The following FSD1L variants were observed in gnomAD, a reference collection of about 807,000 sequenced individuals.
FSD1L encodes FSD1-like protein.
In FSD1L, 45 loss-of-function variants were observed where a neutral mutation model predicts 71.6. The observed-to-expected ratio is 0.63, with a 90% CI of 0.49 to 0.81. The LOEUF (loss-of-function observed/expected upper bound fraction) is 0.81, where lower values mean the gene tolerates loss of function less well. FSD1L is among the 30% of genes least tolerant of loss of function. The pLI, the probability that FSD1L is intolerant of heterozygous loss-of-function variation, is 0.00. For missense variants in FSD1L, 561 were observed against 618.1 expected (o/e 0.91, Z 0.98); for synonymous variants, 197 against 207.2 (o/e 0.95, Z 0.42).
At chr9:105,445,176 C>G (rs537315004), upstream of FSD1L, among the ~76,000 whole-genome samples, 9 of 152,190 alleles carry the variant, frequency 5.9e-5, no homozygotes, top group Middle Eastern at 3.4e-3. Context: ...AGAACTTGTA[C>G]AAACTGGGGA....
rs527244403 is a variant in FSD1L, at chr9:105,545,154, G to T, written c.1468-1204G>T. 9.0e-3 allele frequency among the ~76,000 whole-genome samples: 1,358 copies of T among 151,464 alleles called. 22 individuals are homozygous for T. Among genetic ancestry groups the T allele is most frequent in the African/African-American group, 0.032 (1,302 of 40,914 alleles). ...AAGAGGTCTTTCACATCCCGTGTAA[G>T]TTGGATTCCTAGGTATTTTATTCTC... On this transcript the variant is annotated intron_variant, in intron 13 of 13. Transcript: ENST00000481272.
At chr9:105,459,051 T>G in intron 1 of FSD1L, among the ~76,000 whole-genome samples, 1 of 152,214 alleles carries the variant, frequency 6.6e-6, no homozygotes, top group East Asian at 1.9e-4. Flanking sequence ...AGAAAACACT[T>G]TTTAAAAACT....
chr9:105,511,697 G>A (rs1415822617), intron 9 of FSD1L, among the ~76,000 whole-genome samples: 1 of 152,044 alleles, frequency 6.6e-6, no homozygotes, highest in Non-Finnish European at 1.5e-5. Flanking sequence ...ATGAACAATA[G>A]CTCCAATGCA....
intron 6 of FSD1L, among the ~76,000 whole-genome samples, chr9:105,479,852 T>C (rs975397813): frequency 1.3e-5 from 2 of 152,228 alleles, no homozygotes; most frequent in Non-Finnish European, 2.9e-5. Context: ...CTGTTCCTGG[T>C]GCCATCTCTT....
In FSD1L at chr9:105,484,373, T is replaced by C. The variant is rs757347972; in HGVS notation, c.465-8T>C. 6 of 1,483,826 alleles carry C rather than the reference T, an allele frequency of 4.0e-6. No homozygotes were observed. The African/African-American group carries it at 7.2e-5, about 18-fold the overall frequency. The allele number at this position is 1,483,826 out of a possible 1,614,324, so 91.9% of individuals were successfully genotyped here. On this transcript the variant is annotated splice_region_variant and splice_polypyrimidine_tract_variant and intron_variant, in intron 6 of 13. Coordinates refer to ENST00000481272, the MANE Select transcript of FSD1L (RefSeq NM_001145313.3). The stretch of plus-strand genomic sequence containing the variant: ...TTATTTTAAAAAGTATGTTTGTGTT[T>C]ACCGTAGAGTCACAATGGCTTCAGC...
chr9:105,482,944 A>G (rs1832308290), intron 6 of FSD1L, among the ~76,000 whole-genome samples: 1 of 152,208 alleles, frequency 6.6e-6, no homozygotes, highest in Non-Finnish European at 1.5e-5. Flanking sequence ...GCACTGATTC[A>G]GTGAGCATTT....
intron 13 of FSD1L, among the ~76,000 whole-genome samples, chr9:105,544,273 G>C (rs560094677): frequency 1.9e-3 from 283 of 152,122 alleles, no homozygotes; most frequent in African/African-American, 6.1e-3. Context: ...TTTTTGATGG[G>C]GTTGTTTTTT....
At chr9:105,534,054 C>G (rs911130300) in intron 10 of FSD1L, among the ~76,000 whole-genome samples, 4 of 152,100 alleles carry the variant, frequency 2.6e-5, no homozygotes, top group Non-Finnish European at 2.9e-5. Context: ...AGGTAAGATT[C>G]AGAGCAAAAA....
At chr9:105,460,901 T>C (rs1316257385) in intron 1 of FSD1L, among the ~76,000 whole-genome samples, 2 of 152,222 alleles carry the variant, frequency 1.3e-5, no homozygotes, top group Admixed American at 1.3e-4. Context: ...TGGTGTTACT[T>C]ATGTACCAAT....
In FSD1L at chr9:105,551,099, C is replaced by CAT. The variant is rs922943639; in HGVS notation, c.*4625_*4626dup. The CAT allele has an allele frequency of 1.1e-4, 17 of 151,968 alleles. No homozygotes were observed. Among genetic ancestry groups the CAT allele is most frequent in the African/African-American group, 3.9e-4 (16 of 41,374 alleles). The allele number at this position is 151,968 out of a possible 1,614,324, so 9.4% of individuals were successfully genotyped here. A position where few individuals can be genotyped will look rare whatever the true frequency, so the allele number is the denominator to read the frequency against. On this transcript the variant is annotated 3_prime_UTR_variant, in exon 14 of 14. Transcript: ENST00000481272. ...GGAGAACATAAGGGCTATGAGAATG[C>CAT]ATATATATATTTTTTAACATTTCCT...
intron 13 of FSD1L, among the ~76,000 whole-genome samples, chr9:105,544,211 G>T (rs1836824549): frequency 2.0e-5 from 3 of 151,972 alleles, no homozygotes; most frequent in African/African-American, 4.8e-5. Context: ...TCATGTGTCT[G>T]TTGGCTGCAT....
Position 105,550,568 on chromosome 9 carries a change from G to T in FSD1L, c.*4085G>T, listed in dbSNP as rs979175438. On this transcript the variant is annotated 3_prime_UTR_variant, in exon 14 of 14. Coordinates refer to ENST00000481272, the MANE Select transcript of FSD1L (RefSeq NM_001145313.3). ...GTATGCATGTTCTGAAATTATTTGTGATCCTGATATGTCACATATAATAGC... is the reference window on the plus strand; with the variant it reads ...GTATGCATGTTCTGAAATTATTTGTTATCCTGATATGTCACATATAATAGC... 1 of 151,992 alleles carries T rather than the reference G, an allele frequency of 6.6e-6. No homozygotes were observed. The highest frequency in any genetic ancestry group is 1.5e-5 in the Non-Finnish European group (1 of 67,914). The allele number at this position is 151,992 out of a possible 1,614,324, so 9.4% of individuals were successfully genotyped here. A position where few individuals can be genotyped will look rare whatever the true frequency, so the allele number is the denominator to read the frequency against.
chr9:105,521,473 A>G, intron 10 of FSD1L: 7 of 1,613,932 alleles, frequency 4.3e-6, no homozygotes, highest in Non-Finnish European at 5.9e-6. Flanking sequence ...AAAAGGAGTA[A>G]TGTAAACTTT....
intron 1 of FSD1L, among the ~76,000 whole-genome samples, chr9:105,452,964 T>C (rs1830131886): frequency 6.6e-6 from 1 of 151,780 alleles, no homozygotes; most frequent in Admixed American, 6.6e-5. Context: ...CTTGAACTCT[T>C]GGGCTCAAAC....
At chr9:105,467,998 T>G (rs1443967758) in intron 3 of FSD1L, among the ~76,000 whole-genome samples, 195 bp from the exon 4 acceptor site, 1 of 152,218 alleles carries the variant, frequency 6.6e-6, no homozygotes, top group African/African-American at 2.4e-5. Flanking sequence ...TGAAACAGTA[T>G]TGTTAGCATT....
Position 105,464,298 on chromosome 9 carries a change from T to A in FSD1L, c.174T>A (p.Ile58=). 6.6e-7 allele frequency: 1 copy of A among 1,525,986 alleles called. No individual in the cohort carries two copies. Among genetic ancestry groups the A allele is most frequent in the Non-Finnish European group, 8.9e-7 (1 of 1,127,142 alleles). 94.5% of individuals were successfully genotyped at this position (1,525,986 alleles called of 1,614,324 possible). ...ANKNDEIQNF[I]DTLHHTLKGV... Reference sequence around the variant, plus strand: ...AAAATGATGAAATTCAGAACTTTATTGATACACTACATCATACACTAAAAG... The same window carrying A: ...AAAATGATGAAATTCAGAACTTTATAGATACACTACATCATACACTAAAAG... Residue 58 remains isoleucine (I), a synonymous_variant, in exon 3 of 14, where the codon ATT becomes ATA. Transcript: ENST00000481272.
chr9:105,445,755 G>GTGGC (rs1829628190), upstream of FSD1L, among the ~76,000 whole-genome samples: 1 of 152,206 alleles, frequency 6.6e-6, no homozygotes, highest in East Asian at 1.9e-4. Flanking sequence ...AACGACCTTT[G>GTGGC]TGGCTGCAGC....
At chr9:105,517,227 A>G (rs1222498340) in intron 10 of FSD1L, among the ~76,000 whole-genome samples, 1 of 152,214 alleles carries the variant, frequency 6.6e-6, no homozygotes, top group Non-Finnish European at 1.5e-5. Context: ...GATGGGGAGA[A>G]TGGAACCAAG....
chr9:105,526,276 G>A, intron 10 of FSD1L: 2 of 1,605,442 alleles, frequency 1.2e-6, no homozygotes, highest in South Asian at 2.2e-5. Flanking sequence ...GCACCACTTA[G>A]AACCAACAAC....
Sources: gnomAD v4.1 joint callset for allele counts (sites outside exome capture counted in the v4.1 genomes callset) on GRCh38, gnomAD v4.1.1 for gene constraint, MANE v1.5 for transcripts, NCBI Gene and HGNC (gene_info 2026-07-23, HGNC 2026-07-21) for gene names.